GPHN: variants seen among roughly 807,000 people sequenced by gnomAD.
The protein encoded by GPHN is gephyrin.
In GPHN, 17 loss-of-function variants were observed where a neutral mutation model predicts 95.5. The observed-to-expected ratio is 0.18, with a 90% confidence interval of 0.12 to 0.27. The LOEUF (loss-of-function observed/expected upper bound fraction) is 0.27, where lower values mean the gene tolerates loss of function less well. Among genes scored for constraint, GPHN ranks in the 10% least tolerant of loss-of-function variants. The probability of loss-of-function intolerance (pLI) is 1.00; values close to 1 mark genes in which losing one functional copy is unlikely to be tolerated. For synonymous variants in GPHN, 320 were observed against 322.5 expected (o/e 0.99, Z 0.08); for missense variants, 660 against 978.1 (o/e 0.67, Z 4.34).
intron 1 of GPHN, among the ~76,000 whole-genome samples, chr14:66,642,597 C>A (rs539057321): frequency 1.2e-4 from 18 of 145,460 alleles, no homozygotes; most frequent in South Asian, 6.5e-4. Context: ...GAAAAATTAG[C>A]TGAGCTAACC....
the GPHN span, among the ~76,000 whole-genome samples, chr14:67,680,862 T>C: frequency 6.6e-6 from 1 of 152,324 alleles, no homozygotes; most frequent in South Asian, 2.1e-4. Flanking sequence ...GATAAACTAA[T>C]TTCAAAACTT....
the GPHN span, chr14:67,228,610 A>C: frequency 6.6e-6 from 1 of 152,234 alleles, no homozygotes; most frequent in African/African-American, 2.4e-5. Flanking sequence ...GTGGGTATCT[A>C]TTTTAAAGGA....
At chr14:66,631,935 G>A (rs2063830108) in intron 1 of GPHN, among the ~76,000 whole-genome samples, 1 of 151,938 alleles carries the variant, frequency 6.6e-6, no homozygotes, top group African/African-American at 2.4e-5. Flanking sequence ...TTCGAATTCA[G>A]GTTGTTTGAA....
intron 2 of GPHN, among the ~76,000 whole-genome samples, chr14:66,766,164 C>G (rs561195030): frequency 7.9e-5 from 12 of 152,144 alleles, no homozygotes; most frequent in Non-Finnish European, 1.5e-4. Context: ...AAATGACAAT[C>G]TTTCTGTCAT....
intron 9 of GPHN, among the ~76,000 whole-genome samples, chr14:67,004,352 T>C (rs1211276269): frequency 1.3e-5 from 2 of 151,776 alleles, no homozygotes; most frequent in African/African-American, 2.4e-5. Context: ...CAGTAGGTCA[T>C]AATAAGTCAG....
At chr14:66,732,813 C>T (rs117353483) in intron 2 of GPHN, among the ~76,000 whole-genome samples, 3,996 of 152,278 alleles carry the variant, frequency 0.026, 84 homozygotes, top group Middle Eastern at 0.054. Flanking sequence ...CCGCATCTGG[C>T]CTTGTTTTTT....
At chr14:66,732,380 G>C (rs934265553) in intron 2 of GPHN, among the ~76,000 whole-genome samples, 2 of 152,224 alleles carry the variant, frequency 1.3e-5, no homozygotes, top group African/African-American at 4.8e-5. Flanking sequence ...GAGGAGATAA[G>C]CTTTCAAATT....
chr14:67,672,889 C>T, the GPHN span, among the ~76,000 whole-genome samples: 6 of 152,340 alleles, frequency 3.9e-5, no homozygotes, highest in East Asian at 5.8e-4. Flanking sequence ...GCTTATCGCT[C>T]TCCTTTGCTC....
the GPHN span, among the ~76,000 whole-genome samples, chr14:67,546,605 G>A: frequency 6.6e-6 from 1 of 152,138 alleles, no homozygotes; most frequent in East Asian, 1.9e-4. Context: ...GGTCAGGCTG[G>A]TCTTGAACTC....
chr14:67,288,494 C>A, the GPHN span, among the ~76,000 whole-genome samples: 1 of 152,168 alleles, frequency 6.6e-6, no homozygotes, highest in African/African-American at 2.4e-5. Flanking sequence ...GAGTTATAGA[C>A]TCCATCTTTA....
At chr14:67,074,481 T>C (rs541554744) in intron 11 of GPHN, among the ~76,000 whole-genome samples, 1 of 152,250 alleles carries the variant, frequency 6.6e-6, no homozygotes, top group East Asian at 1.9e-4. Flanking sequence ...GCTGTTCCCT[T>C]TTCTCCCTCT....
At chr14:67,252,594 T>C in the GPHN span, among the ~76,000 whole-genome samples, 1 of 152,174 alleles carries the variant, frequency 6.6e-6, no homozygotes, top group Non-Finnish European at 1.5e-5. Flanking sequence ...CATTAGCTTG[T>C]GGGATCTGAT....
chr14:67,269,200 ACTT>A, the GPHN span, among the ~76,000 whole-genome samples: 4 of 152,296 alleles, frequency 2.6e-5, no homozygotes, highest in South Asian at 2.1e-4. Flanking sequence ...ATGTATCACT[ACTT>A]CATTTTTATT....
At chr14:67,336,093 G>T in the GPHN span, 1 of 152,236 alleles carries the variant, frequency 6.6e-6, no homozygotes, top group Non-Finnish European at 1.5e-5. Flanking sequence ...GGAGAAGGAG[G>T]TATGTAATAA....
At chr14:67,634,430 CAAAAAA>C in the GPHN span, among the ~76,000 whole-genome samples, 13 of 114,482 alleles carry the variant, frequency 1.1e-4, no homozygotes, top group African/African-American at 4.2e-4. Flanking sequence ...CTATCTCTAC[CAAAAAA>C]AAAAAAAAAA....
chr14:67,303,818 A>G, the GPHN span, among the ~76,000 whole-genome samples: 1 of 151,900 alleles, frequency 6.6e-6, no homozygotes, highest in East Asian at 1.9e-4. Flanking sequence ...CCCAGGGTAG[A>G]GTGCAGTGGT....
the GPHN span, among the ~76,000 whole-genome samples, chr14:67,256,797 G>GACACACACACACACACACAC: frequency 2.7e-3 from 400 of 147,778 alleles, 1 homozygote; most frequent in Middle Eastern, 0.011. Flanking sequence ...AGAAACTATT[G>GACACACACACACACACACAC]ACACACACAC....
At chr14:66,512,116 A>T (rs1024645997) in intron 1 of GPHN, among the ~76,000 whole-genome samples, 5 of 151,934 alleles carry the variant, frequency 3.3e-5, no homozygotes, top group Admixed American at 6.5e-5. Flanking sequence ...CAAATAAACA[A>T]GTATCTGCTA....
intron 4 of GPHN, among the ~76,000 whole-genome samples, chr14:66,872,942 A>G (rs1358513203): frequency 6.6e-6 from 1 of 152,100 alleles, no homozygotes; most frequent in African/African-American, 2.4e-5. Context: ...TATATAGGTA[A>G]ACCCCTTCAC....
Sources: gnomAD v4.1 joint callset for allele counts (sites outside exome capture counted in the v4.1 genomes callset) on GRCh38, gnomAD v4.1.1 for gene constraint, MANE v1.5 for transcripts, NCBI Gene and HGNC (gene_info 2026-07-23, HGNC 2026-07-21) for gene names.